The following DPF3 variants were observed in gnomAD, a reference collection of about 807,000 sequenced individuals.
The protein encoded by DPF3 is zinc finger protein DPF3.
DPF3 carries 18 observed loss-of-function variants against 56.8 expected under a neutral mutation model. That is an observed-to-expected ratio of 0.32 (90% CI 0.22 to 0.47). The LOEUF (loss-of-function observed/expected upper bound fraction) is 0.47. Ranked by LOEUF, DPF3 falls within the 20% of genes least tolerant of loss-of-function variation. The probability of loss-of-function intolerance (pLI) is 1.00; values close to 1 mark genes in which losing one functional copy is unlikely to be tolerated. For synonymous variants in DPF3, 188 were observed against 180.2 expected, an observed-to-expected ratio of 1.04 and a Z score of -0.35; for missense variants, 403 against 488.8, an observed-to-expected ratio of 0.82 and a Z score of 1.65.
rs556778641 is a variant in DPF3, at chr14:72,747,553, C to T, written c.301+5711G>A. On this transcript the variant is annotated intron_variant, in intron 3 of 10. Transcript: ENST00000556509. The stretch of plus-strand genomic sequence containing the variant: ...TATAATCCCAGCATTTTGGGAGGCC[C>T]GAGGCAGGAGGATTGCTTGAGGCCA... 4.0e-5 allele frequency among the ~76,000 whole-genome samples: 6 copies of T among 149,928 alleles called. No homozygotes were observed. In the East Asian group the frequency reaches 9.9e-4, roughly 25 times the overall value.
intron 1 of DPF3, among the ~76,000 whole-genome samples, chr14:72,847,296 A>G (rs1032545992): frequency 2.6e-5 from 4 of 152,194 alleles, no homozygotes; most frequent in Non-Finnish European, 5.9e-5. Flanking sequence ...GAGTTAAGTG[A>G]TGGCGCTGGG....
intron 1 of DPF3, among the ~76,000 whole-genome samples, chr14:72,839,484 TG>T (rs1884458383): frequency 6.6e-6 from 1 of 152,014 alleles, no homozygotes. Context: ...CAGGCAGGCG[TG>T]GAAGTGAGAT....
intron 8 of DPF3, among the ~76,000 whole-genome samples, chr14:72,630,654 A>C (rs1416388197): frequency 6.6e-6 from 1 of 152,192 alleles, no homozygotes; most frequent in African/African-American, 2.4e-5. Context: ...GCATGGAAGG[A>C]TAACTTGGAT....
At chr14:72,823,342 G>C (rs1244220769) in intron 1 of DPF3, among the ~76,000 whole-genome samples, 1 of 152,190 alleles carries the variant, frequency 6.6e-6, no homozygotes, top group Non-Finnish European at 1.5e-5. Flanking sequence ...CCCAATACCA[G>C]AGAAAAGGCT....
At chr14:72,799,551 G>A (rs569855837) in intron 1 of DPF3, among the ~76,000 whole-genome samples, 30 of 152,246 alleles carry the variant, frequency 2.0e-4, no homozygotes, top group African/African-American at 6.0e-4. Flanking sequence ...AGCTACTCTA[G>A]AGGCTGAGGT....
intron 2 of DPF3, among the ~76,000 whole-genome samples, chr14:72,767,177 T>C (rs558484239): frequency 1.3e-5 from 2 of 152,314 alleles, no homozygotes; most frequent in African/African-American, 4.8e-5. Context: ...CTAGCATAGC[T>C]TGAAAGGAGA....
intron 1 of DPF3, among the ~76,000 whole-genome samples, chr14:72,803,928 C>A (rs1892986310): frequency 6.6e-6 from 1 of 151,590 alleles, no homozygotes; most frequent in Non-Finnish European, 1.5e-5. Context: ...TTGAGCCTGT[C>A]ATACACAGGC....
chr14:72,652,221 G>A (rs2153568619), intron 8 of DPF3, among the ~76,000 whole-genome samples: 1 of 152,296 alleles, frequency 6.6e-6, no homozygotes, highest in Non-Finnish European at 1.5e-5. Flanking sequence ...AAAGCCTATG[G>A]GGAAAGTCTT....
At chr14:72,783,769 A>G (rs961001602) in intron 1 of DPF3, among the ~76,000 whole-genome samples, 3 of 152,178 alleles carry the variant, frequency 2.0e-5, no homozygotes, top group African/African-American at 7.2e-5. Context: ...GGTCTCCAAC[A>G]TACCCATCCC....
chr14:72,812,015 G>C (rs1022305997), intron 1 of DPF3, among the ~76,000 whole-genome samples: 3 of 152,094 alleles, frequency 2.0e-5, no homozygotes, highest in African/African-American at 7.2e-5. Context: ...GGAACCTCTT[G>C]CCTCCTTCAA....
chr14:72,806,231 T>C (rs1344047955), intron 1 of DPF3, among the ~76,000 whole-genome samples: 1 of 152,186 alleles, frequency 6.6e-6, no homozygotes, highest in Non-Finnish European at 1.5e-5. Context: ...ATGCTACTTT[T>C]TCATAGGGAC....
chr14:72,749,770 G>T (rs576540335), intron 3 of DPF3, among the ~76,000 whole-genome samples: 15 of 151,942 alleles, frequency 9.9e-5, no homozygotes, highest in Non-Finnish European at 2.1e-4. Context: ...TTTGCCTGCT[G>T]CCATCTGGGG....
At chr14:72,705,074 G>A (rs541637752) in intron 6 of DPF3, among the ~76,000 whole-genome samples, 28 of 152,134 alleles carry the variant, frequency 1.8e-4, no homozygotes, top group Non-Finnish European at 2.9e-4. Flanking sequence ...CCAACCCCCC[G>A]GGCTATAGAC....
At chr14:72,769,955 C>T (rs894515599) in intron 2 of DPF3, among the ~76,000 whole-genome samples, 7 of 152,002 alleles carry the variant, frequency 4.6e-5, no homozygotes, top group Non-Finnish European at 1.0e-4. Flanking sequence ...CTGTATCTCA[C>T]AATAACTAAA....
At chr14:72,769,910 G>A (rs1055805317) in intron 2 of DPF3, among the ~76,000 whole-genome samples, 1 of 151,866 alleles carries the variant, frequency 6.6e-6, no homozygotes, top group African/African-American at 2.4e-5. Flanking sequence ...AAATAGAGGG[G>A]AAAAAAGTCA....
At chr14:72,644,062 T>C (rs942066799) in intron 8 of DPF3, among the ~76,000 whole-genome samples, 5 of 152,194 alleles carry the variant, frequency 3.3e-5, no homozygotes, top group African/African-American at 1.2e-4. Context: ...AGGATGATGA[T>C]GGTGACAACC....
intron 8 of DPF3, among the ~76,000 whole-genome samples, chr14:72,637,154 GCT>G (rs1271669073): frequency 6.6e-6 from 1 of 152,138 alleles, no homozygotes; most frequent in Admixed American, 6.5e-5. Flanking sequence ...ACAGCCAAGG[GCT>G]CATGGCGCCA....
chr14:72,650,128 C>T lies in DPF3; in HGVS notation c.872-20392G>A, dbSNP rs577565057. The stretch of plus-strand genomic sequence containing the variant: ...ACCCTCCCGCCCCATCCACACTCCA[C>T]ACTGCCCTTGAGGGAAAAATGAGGA... On this transcript the variant is annotated intron_variant, in intron 8 of 10. Transcript: ENST00000556509. 3.3e-5 allele frequency among the ~76,000 whole-genome samples: 5 copies of T among 152,230 alleles called. No individual in the cohort carries two copies. The East Asian group carries it at 9.8e-4, about 30-fold the overall frequency.
At chr14:72,708,304 A>G (rs1370723436) in intron 6 of DPF3, among the ~76,000 whole-genome samples, 1 of 152,162 alleles carries the variant, frequency 6.6e-6, no homozygotes, top group Non-Finnish European at 1.5e-5. Flanking sequence ...ATGGCATTTA[A>G]ATATTTAAAC....
Sources: allele counts gnomAD v4.1 joint callset (sites outside exome capture counted in the v4.1 genomes callset), GRCh38; gene constraint gnomAD v4.1.1; transcripts MANE v1.5; gene names NCBI Gene and HGNC (gene_info 2026-07-23, HGNC 2026-07-21).